PITPNM3: variants seen among roughly 807,000 people sequenced by gnomAD.
PITPNM3 encodes the protein membrane-associated phosphatidylinositol transfer protein 3.
In PITPNM3, 26 loss-of-function variants were observed where a neutral mutation model predicts 102.0. The ratio of observed to expected loss-of-function variants is 0.25; its 90% CI spans 0.19 to 0.35. PITPNM3 has a LOEUF of 0.35. PITPNM3 is among the 10% of genes least tolerant of loss of function. The pLI is 1.00. For missense variants in PITPNM3, 1,083 were observed against 1,346.1 expected (o/e 0.80, Z 3.06); for synonymous variants, 578 against 558.6 (o/e 1.03, Z -0.49).
chr17:6,532,183 C>A (rs1298388898), intron 2 of PITPNM3, among the ~76,000 whole-genome samples: 1 of 152,032 alleles, frequency 6.6e-6, no homozygotes, highest in Non-Finnish European at 1.5e-5. Flanking sequence ...CTAGAACACT[C>A]TTCCCCCTGG....
intron 14 of PITPNM3, among the ~76,000 whole-genome samples, chr17:6,465,266 G>A (rs764010313): frequency 3.9e-5 from 6 of 151,988 alleles, no homozygotes; most frequent in African/African-American, 9.7e-5. Flanking sequence ...GGCTGGTCTC[G>A]AACTCCCGAC....
Position 6,472,583 on chromosome 17 carries a change from G to C in PITPNM3, c.1429+74C>G. 1 of 1,532,866 alleles carries C rather than the reference G, an allele frequency of 6.5e-7. No individual in the cohort carries two copies. Among genetic ancestry groups the C allele is most frequent in the Non-Finnish European group, 8.9e-7 (1 of 1,127,758 alleles). The allele number at this position is 1,532,866 out of a possible 1,614,324, so 95.0% of individuals were successfully genotyped here. A position where few individuals can be genotyped will look rare whatever the true frequency, so the allele number is the denominator to read the frequency against. ...TCAGGTGAGTCACCCTACTCACTGA[G>C]AGCTTGGAGGGGTTGAATGGGCTGG... On this transcript the variant is annotated intron_variant, in intron 11 of 19. Coordinates refer to ENST00000262483, the MANE Select transcript of PITPNM3 (RefSeq NM_031220.4). The surrounding 1 kb of genome is among the most constrained non-coding windows in gnomAD (Gnocchi z 4.1).
At chr17:6,485,384 C>T (rs1906026328) in intron 4 of PITPNM3, among the ~76,000 whole-genome samples, 1 of 152,030 alleles carries the variant, frequency 6.6e-6, no homozygotes, top group Non-Finnish European at 1.5e-5. Flanking sequence ...TCTCAAACTC[C>T]TGACCTCAAG....
At chr17:6,487,284 G>A (rs1906154224) in intron 4 of PITPNM3, among the ~76,000 whole-genome samples, 1 of 152,220 alleles carries the variant, frequency 6.6e-6, no homozygotes, top group Non-Finnish European at 1.5e-5. Context: ...AATAAAAGCA[G>A]CTACCCCATG....
intron 3 of PITPNM3, 78 bp downstream of exon 3, chr17:6,525,278 C>G: frequency 1.5e-6 from 2 of 1,292,934 alleles, no homozygotes; most frequent in Non-Finnish European, 2.3e-6. Context: ...CAAGCCCCAG[C>G]CCCAGTCACC....
Position 6,470,918 on chromosome 17 carries a change from G to A in PITPNM3, c.1624+243C>T, listed in dbSNP as rs1905037051. 6.6e-6 allele frequency among the ~76,000 whole-genome samples: 1 copy of A among 152,164 alleles called. No individual in the cohort carries two copies. The highest frequency in any genetic ancestry group is 1.5e-5 in the Non-Finnish European group (1 of 68,026). On this transcript the variant is annotated intron_variant, in intron 12 of 19. Transcript: ENST00000262483. This position sits in a 1 kb window ranked among gnomAD's most constrained non-coding sequence, Gnocchi z 4.8. ...GAGTTCAGGGCTCTGTCCAGGGTCA[G>A]AGGTCAAGGTTCCTCCAAGGTCAGA...
intron 1 of PITPNM3, among the ~76,000 whole-genome samples, chr17:6,547,560 C>T (rs1910088802): frequency 5.3e-5 from 8 of 152,084 alleles, no homozygotes; most frequent in Admixed American, 5.2e-4. Flanking sequence ...CCTGCAGGCT[C>T]CCCAGGAGGG....
chr17:6,482,886 A>T (rs1905826468), intron 6 of PITPNM3, among the ~76,000 whole-genome samples: 1 of 150,720 alleles, frequency 6.6e-6, no homozygotes, highest in African/African-American at 2.4e-5. Context: ...GCCGAGTTTG[A>T]CTCCTGTCTC....
intron 4 of PITPNM3, among the ~76,000 whole-genome samples, chr17:6,495,394 G>A (rs1597383613): frequency 6.6e-6 from 1 of 152,228 alleles, no homozygotes; most frequent in African/African-American, 2.4e-5. Context: ...TTGTTCCCAA[G>A]AGGAAAGGAT....
Position 6,477,213 on chromosome 17 carries a change from C to G in PITPNM3, c.901G>C (p.Asp301His), listed in dbSNP as rs1462896506. The change falls in exon 9 of 20, where the codon GAC becomes CAC. Residue 301 changes from aspartate to histidine, a missense_variant and splice_region_variant. Transcript: ENST00000262483. ...TCTTCCTCCACCGCGACTGGGGTGT[C>G]CTTTGGGACCGAACAGGGGACAGGA... Reference protein sequence around the residue: ...SRKGSISSTQDTPVAVEEDCS... With the variant: ...SRKGSISSTQHTPVAVEEDCS... The G allele has an allele frequency of 6.2e-7, 1 of 1,613,944 alleles. No homozygotes were observed. Among genetic ancestry groups the G allele is most frequent in the Non-Finnish European group, 8.5e-7 (1 of 1,179,932 alleles).
At chr17:6,499,451 G>A (rs900129731) in intron 4 of PITPNM3, among the ~76,000 whole-genome samples, 5 of 152,152 alleles carry the variant, frequency 3.3e-5, no homozygotes, top group Non-Finnish European at 7.4e-5. Context: ...CCAACTCTTG[G>A]GGAAACACTG....
intron 18 of PITPNM3, among the ~76,000 whole-genome samples, chr17:6,460,129 C>G (rs1229854262): frequency 6.6e-6 from 1 of 152,218 alleles, no homozygotes; most frequent in East Asian, 1.9e-4. Flanking sequence ...CAAGATTTGC[C>G]AAGTTTGGGC....
chr17:6,464,591 G>A, intron 15 of PITPNM3, 64 bp downstream of exon 15: 1 of 1,489,988 alleles, frequency 6.7e-7, no homozygotes, highest in South Asian at 1.2e-5. Flanking sequence ...CACACGCTAT[G>A]TGGCTCCATG....
intron 3 of PITPNM3, among the ~76,000 whole-genome samples, chr17:6,506,608 G>A (rs1400981264): frequency 1.3e-5 from 2 of 152,194 alleles, no homozygotes; most frequent in Non-Finnish European, 2.9e-5. Flanking sequence ...TTGACCTGGT[G>A]ATCTGCCCAC....
intron 3 of PITPNM3, among the ~76,000 whole-genome samples, chr17:6,510,909 C>T (rs911403309): frequency 2.6e-5 from 4 of 152,198 alleles, no homozygotes; most frequent in Admixed American, 6.5e-5. Context: ...TGACGAGCTC[C>T]GCATGAGCCC....
At position 6,459,533 on chromosome 17, in the gene PITPNM3, A is replaced by G. The variant is rs1342604956; in HGVS notation, c.2491-1811T>C. Among the ~76,000 whole-genome samples, 2 of 151,610 alleles carry G rather than the reference A, an allele frequency of 1.3e-5. No homozygotes were observed. The highest frequency in any genetic ancestry group is 2.4e-5 in the African/African-American group (1 of 41,186). ...CTGCAGCCCAGAACTACCCTAAGCC[A>G]TATCAGGTCCCGTGGCTGTATCAGC... On this transcript the variant is annotated intron_variant, in intron 18 of 19. Transcript: ENST00000262483. This position sits in a 1 kb window ranked among gnomAD's most constrained non-coding sequence, Gnocchi z 5.0.
intron 6 of PITPNM3, among the ~76,000 whole-genome samples, chr17:6,482,497 C>T (rs1425674642): frequency 6.6e-6 from 1 of 152,184 alleles, no homozygotes; most frequent in Non-Finnish European, 1.5e-5. Context: ...TGTGATTCAG[C>T]ATTTTCCTGA....
At position 6,483,637 on chromosome 17, in the gene PITPNM3, G is replaced by A. The variant is rs760504894; in HGVS notation, c.467C>T (p.Thr156Ile). Residue 156 changes from threonine to isoleucine, a missense_variant, in exon 6 of 20, where the codon ACC becomes ATC. Coordinates refer to ENST00000262483, the MANE Select transcript of PITPNM3 (RefSeq NM_031220.4). ...GACCTTCTCCAGCACGGAGCTGAAG[G>A]TGTGGATGTCGGCTGCCTTGCAGGA... The part of the protein sequence containing the change: ...DPSCKAADIH[T>I]FSSVLEKVTR... 1 of 1,614,152 alleles carries A rather than the reference G, an allele frequency of 6.2e-7. No homozygotes were observed. The highest frequency in any genetic ancestry group is 1.1e-5 in the South Asian group (1 of 91,076).
intron 2 of PITPNM3, among the ~76,000 whole-genome samples, chr17:6,528,290 C>T (rs1442126870): frequency 1.3e-5 from 2 of 152,142 alleles, no homozygotes; most frequent in Non-Finnish European, 2.9e-5. Context: ...CTCTGGGTCT[C>T]ATCTTATCAG....
Sources: gnomAD v4.1 joint callset for allele counts (sites outside exome capture counted in the v4.1 genomes callset) on GRCh38, gnomAD v4.1.1 for gene constraint, Gnocchi (gnomAD v3.1) non-coding constraint, MANE v1.5 for transcripts, NCBI Gene and HGNC (gene_info 2026-07-23, HGNC 2026-07-21) for gene names.